SLC17A9: variants seen among roughly 807,000 people sequenced by gnomAD.
The protein encoded by SLC17A9 is voltage-gated purine nucleotide uniporter SLC17A9.
SLC17A9 carries 49 observed loss-of-function variants against 55.0 expected under a neutral mutation model. The observed-to-expected ratio is 0.89, with a 90% CI of 0.71 to 1.13. The LOEUF (loss-of-function observed/expected upper bound fraction) is 1.13, where lower values mean the gene tolerates loss of function less well. Among genes scored for constraint, SLC17A9 ranks in the 50% most tolerant of loss-of-function variants. SLC17A9 has a pLI of 0.00. For synonymous variants in SLC17A9, 256 were observed against 247.4 expected (o/e 1.03, Z -0.32); for missense variants, 526 against 569.3 (o/e 0.92, Z 0.77).
chr20:62,957,648 C>T (rs1489746855), intron 3 of SLC17A9, 68 bp downstream of exon 3: 34 of 1,370,940 alleles, frequency 2.5e-5, no homozygotes, highest in South Asian at 3.2e-5. Flanking sequence ...GGGGTGTGCA[C>T]GGATGTGTGT....
intron 4 of SLC17A9, 45 bp downstream of exon 4, chr20:62,960,648 A>G (rs761898583): frequency 1.3e-6 from 2 of 1,564,788 alleles, no homozygotes; most frequent in Non-Finnish European, 1.7e-6. Flanking sequence ...CCACCAGGTG[A>G]GCCCCTTGCC....
At chr20:62,959,330 G>A (rs1193513856) in intron 3 of SLC17A9, among the ~76,000 whole-genome samples, 1 of 152,220 alleles carries the variant, frequency 6.6e-6, no homozygotes, top group Non-Finnish European at 1.5e-5. Flanking sequence ...GCGGGGCCCA[G>A]CTTGTTGTGC....
intron 3 of SLC17A9, among the ~76,000 whole-genome samples, chr20:62,959,885 G>A (rs77077981): frequency 0.088 from 13,353 of 152,312 alleles, 633 homozygotes; most frequent in Middle Eastern, 0.16. Flanking sequence ...CAGGCTCAGA[G>A]CCCTCTGGAT....
At chr20:62,953,033 C>T in intron 1 of SLC17A9, 144 bp downstream of exon 1, 3 of 1,196,868 alleles carry the variant, frequency 2.5e-6, no homozygotes, top group Middle Eastern at 2.5e-4. Flanking sequence ...CCCCTGTGTT[C>T]CTTGTGGGAG....
Position 62,966,554 on chromosome 20 carries a change from C to T in SLC17A9, c.1091C>T (p.Ala364Val). Reference protein sequence around the residue: ...SGISVNIQDLAPSCAGFLFGV... With the variant: ...SGISVNIQDLVPSCAGFLFGV... ...ATTTCTGTTAACATCCAGGACTTGG[C>T]CCCGTCCTGCGCCGGCTTTCTGTTT... The change falls in exon 11 of 13, where the codon GCC becomes GTC. Residue 364 changes from alanine to valine, a missense_variant. Coordinates refer to ENST00000370351, the MANE Select transcript of SLC17A9 (RefSeq NM_022082.4). 1 of 1,613,186 alleles carries T rather than the reference C, an allele frequency of 6.2e-7. No homozygotes were observed. Among genetic ancestry groups the T allele is most frequent in the African/African-American group, 1.3e-5 (1 of 74,930 alleles).
chr20:62,954,913 C>T (rs746384692), intron 1 of SLC17A9, among the ~76,000 whole-genome samples: 3 of 152,216 alleles, frequency 2.0e-5, no homozygotes, highest in African/African-American at 4.8e-5. Context: ...TTCTAGCTAG[C>T]GGCCAGGCAG....
rs769068253 is a variant in SLC17A9 at position 62,965,607 on chromosome 20, C to A, written c.946-3C>A. On this transcript the variant is annotated splice_polypyrimidine_tract_variant and splice_region_variant and intron_variant, in intron 9 of 12. Transcript: ENST00000370351. The stretch of plus-strand genomic sequence containing the variant: ...TCTCCGTCACGGTGGCGCTTTCCTG[C>A]AGGGCATGGGCCTTGGCCTCTCCAG... 1 of 1,611,706 alleles carries A rather than the reference C, an allele frequency of 6.2e-7. No homozygotes were observed. The highest frequency in any genetic ancestry group is 1.1e-5 in the South Asian group (1 of 91,052).
At chr20:62,965,482 G>T (rs1568917752) in intron 9 of SLC17A9, 128 bp from the exon 10 acceptor site, 2 of 880,682 alleles carry the variant, frequency 2.3e-6, no homozygotes, top group South Asian at 1.5e-5. Flanking sequence ...TCTGAGAGAA[G>T]TTTGTGGTCG....
At chr20:62,955,618 C>A (rs1482911111) in intron 1 of SLC17A9, among the ~76,000 whole-genome samples, 1 of 152,188 alleles carries the variant, frequency 6.6e-6, no homozygotes, top group African/African-American at 2.4e-5. Context: ...GGCTCTAAAG[C>A]TCCTTTTTAA....
chr20:62,952,917 TGGGAGCGGTGGAGATGGGGCCGTGGGGA>T, intron 1 of SLC17A9, 28 bp downstream of exon 1: 1 of 93,076 alleles, frequency 1.1e-5, no homozygotes, highest in Non-Finnish European at 2.1e-5. Context: ...GGAGGGGGGG[TGGGAGCGGTGGAGATGGGGCCGTGGGGA>T]GGGAGCTGAG....
chr20:62,963,225 G>A (rs1218782975), intron 5 of SLC17A9, 48 bp from the exon 6 acceptor site: 1 of 1,590,000 alleles, frequency 6.3e-7, no homozygotes, highest in East Asian at 2.2e-5. Flanking sequence ...GCAACGGGTG[G>A]CGCCTCCCGC....
At chr20:62,957,687 T>TAA in intron 3 of SLC17A9, 107 bp downstream of exon 3, 1 of 1,021,078 alleles carries the variant, frequency 9.8e-7, no homozygotes. Context: ...GCAGGTGGTG[T>TAA]ACAAGTGTGT....
chr20:62,963,423 G>A (rs981891536), intron 6 of SLC17A9, 54 bp downstream of exon 6: 7 of 1,584,334 alleles, frequency 4.4e-6, no homozygotes, highest in Non-Finnish European at 6.0e-6. Flanking sequence ...GGTGACCATG[G>A]GGGTGTGAAC....
At position 62,952,795 on chromosome 20, in the gene SLC17A9, C is replaced by G. The variant is rs767855595; in HGVS notation, c.-36C>G. The G allele has an allele frequency of 3.9e-6, 6 of 1,533,062 alleles. No homozygotes were observed. Among genetic ancestry groups the G allele is most frequent in the South Asian group, 3.6e-5 (3 of 83,574 alleles). 95.0% of individuals were successfully genotyped at this position (1,533,062 alleles called of 1,614,324 possible). On this transcript the variant is annotated 5_prime_UTR_variant, in exon 1 of 13. Coordinates refer to ENST00000370351, the MANE Select transcript of SLC17A9 (RefSeq NM_022082.4). ...TGGGCTGGGAGGCAGCCCCGGGACA[C>G]AGCTGTGCCCACGCCGTCTGAGCAC...
In SLC17A9 at chr20:62,967,372, G is replaced by A. The variant is rs17856725; in HGVS notation, c.1183G>A (p.Glu395Lys). ...TGTGTGTCTAGGCGGCTACTTGATGGAGACCACGGGCTCCTGGACTTGCCT... is the reference window on the plus strand; with the variant it reads ...TGTGTGTCTAGGCGGCTACTTGATGAAGACCACGGGCTCCTGGACTTGCCT... ...VGVCLGGYLMETTGSWTCLFN... is the reference protein window; with the variant it reads ...VGVCLGGYLMKTTGSWTCLFN... The change falls in exon 13 of 13, where the codon GAG becomes AAG. Residue 395 changes from glutamate to lysine, a missense_variant. Coordinates refer to ENST00000370351, the MANE Select transcript of SLC17A9 (RefSeq NM_022082.4). 5 of 1,614,022 alleles carry A rather than the reference G, an allele frequency of 3.1e-6. No homozygotes were observed. Among genetic ancestry groups the A allele is most frequent in the Non-Finnish European group, 4.2e-6 (5 of 1,180,020 alleles).
rs2147646259 is a variant in SLC17A9, at chr20:62,956,979, C to T, written c.257+17C>T. 6.2e-7 allele frequency: 1 copy of T among 1,613,084 alleles called. No individual in the cohort carries two copies. Among genetic ancestry groups the T allele is most frequent in the East Asian group, 2.2e-5 (1 of 44,880 alleles). On this transcript the variant is annotated intron_variant, in intron 2 of 12. Coordinates refer to ENST00000370351, the MANE Select transcript of SLC17A9 (RefSeq NM_022082.4). ...CGGGGATCGGTAACTGCCCATCTTC[C>T]CCATCTCCTGGCTGGTGGGGGCCGC...
chr20:62,959,945 G>T (rs145704528), intron 3 of SLC17A9, among the ~76,000 whole-genome samples: 297 of 152,352 alleles, frequency 1.9e-3, no homozygotes, highest in African/African-American at 6.9e-3. Flanking sequence ...TTCTAAAGCG[G>T]CTGAGAACAC....
At chr20:62,955,222 A>G (rs1215734858) in intron 1 of SLC17A9, among the ~76,000 whole-genome samples, 1 of 149,600 alleles carries the variant, frequency 6.7e-6, no homozygotes, top group Non-Finnish European at 1.5e-5. Context: ...ATCTCGGTTC[A>G]CTGCAACCTC....
At chr20:62,957,668 T>C (rs1420151454) in intron 3 of SLC17A9, 88 bp downstream of exon 3, 23 of 1,177,666 alleles carry the variant, frequency 2.0e-5, no homozygotes, top group Admixed American at 3.0e-5. Flanking sequence ...TGCAGGTGCA[T>C]GCGTGCATGC....
Sources: allele counts gnomAD v4.1 joint callset (sites outside exome capture counted in the v4.1 genomes callset), GRCh38; gene constraint gnomAD v4.1.1; transcripts MANE v1.5; gene names NCBI Gene and HGNC (gene_info 2026-07-23, HGNC 2026-07-21).